The following ACACA variants were observed in gnomAD, a reference collection of about 807,000 sequenced individuals.
The protein encoded by ACACA is acetyl-CoA carboxylase 1.
In ACACA, 103 loss-of-function variants were observed where a neutral mutation model predicts 296.1. That is an observed-to-expected ratio of 0.35 (90% confidence interval 0.30 to 0.41). The LOEUF is 0.41. Ranked by LOEUF, ACACA falls within the 10% of genes least tolerant of loss-of-function variation. The probability of loss-of-function intolerance (pLI) is 1.00; values close to 1 mark genes in which losing one functional copy is unlikely to be tolerated. For missense variants in ACACA, 1,554 were observed against 2,989.7 expected, an observed-to-expected ratio of 0.52 and a Z score of 11.20; for synonymous variants, 953 against 1,038.6, an observed-to-expected ratio of 0.92 and a Z score of 1.58.
intron 2 of ACACA, among the ~76,000 whole-genome samples, chr17:37,336,918 G>A (rs755564872): frequency 7.9e-5 from 12 of 152,134 alleles, no homozygotes; most frequent in Non-Finnish European, 1.8e-4. Flanking sequence ...GATTGTTCTG[G>A]TGTAATTTGT....
rs1412626922 is a variant in ACACA at position 37,284,825 on chromosome 17, A to C, written c.471+13T>G. 6.2e-6 allele frequency: 10 copies of C among 1,614,042 alleles called. No homozygotes were observed. In the African/African-American group the frequency reaches 1.3e-4, roughly 22 times the overall value. ...GTGCTTTTGACAAAATAATTCAGCA[A>C]GTTACAACTTACCTTCTCAATCACT... On this transcript the variant is annotated intron_variant, in intron 4 of 55. Coordinates refer to ENST00000616317, the MANE Select transcript of ACACA (RefSeq NM_198834.3).
intron 1 of ACACA, among the ~76,000 whole-genome samples, chr17:37,395,465 C>A (rs923550655): frequency 6.6e-6 from 1 of 151,270 alleles, no homozygotes; most frequent in Non-Finnish European, 1.5e-5. Context: ...TTCTTCTTGG[C>A]TAATATATTA....
At chr17:37,318,645 A>C (rs1418390979) in intron 3 of ACACA, among the ~76,000 whole-genome samples, 1 of 152,238 alleles carries the variant, frequency 6.6e-6, no homozygotes, top group Non-Finnish European at 1.5e-5. Context: ...CCAAGTTTTA[A>C]GCACTAACAT....
rs2051523987 is a variant in ACACA, at chr17:37,406,627, A to T, written c.-328T>A. Reference sequence around the variant, plus strand: ...AGGGGACCAAACAGCCCCACGCGCCAGGAAGCCTCAGGCAACGGGCCACGC... The same window carrying T: ...AGGGGACCAAACAGCCCCACGCGCCTGGAAGCCTCAGGCAACGGGCCACGC... On this transcript the variant is annotated 5_prime_UTR_variant, in exon 1 of 56. Transcript: ENST00000616317. 4 of 517,540 alleles carry T rather than the reference A, an allele frequency of 7.7e-6. No homozygotes were observed. Among genetic ancestry groups the T allele is most frequent in the Non-Finnish European group, 1.4e-5 (4 of 286,492 alleles). 32.1% of individuals were successfully genotyped at this position (517,540 alleles called of 1,614,324 possible). A position where few individuals can be genotyped will look rare whatever the true frequency, so the allele number is the denominator to read the frequency against.
intron 2 of ACACA, among the ~76,000 whole-genome samples, chr17:37,331,704 T>C (rs2047894386): frequency 6.6e-6 from 1 of 151,362 alleles, no homozygotes; most frequent in Admixed American, 6.6e-5. Flanking sequence ...CTGTGCCCGG[T>C]CTAATTTTTA....
intron 9 of ACACA, among the ~76,000 whole-genome samples, chr17:37,271,640 T>TA (rs575174427): frequency 6.3e-4 from 92 of 144,944 alleles, no homozygotes; most frequent in African/African-American, 1.1e-3. Context: ...GTATTACAAT[T>TA]AAAAAAAAAA....
intron 1 of ACACA, among the ~76,000 whole-genome samples, chr17:37,386,326 T>C (rs2050528105): frequency 6.6e-6 from 1 of 152,158 alleles, no homozygotes; most frequent in Non-Finnish European, 1.5e-5. Flanking sequence ...GTGCTGTGGC[T>C]CATGTCTGTA....
In ACACA at chr17:37,355,701, C is replaced by G. The variant is rs2049108148; in HGVS notation, c.39-15851G>C. On this transcript the variant is annotated intron_variant, in intron 1 of 55. Transcript: ENST00000616317. The stretch of plus-strand genomic sequence containing the variant: ...AGAAACCCCATCTCTACTAAAAATA[C>G]AAAAAAATTAGCCAGGCGTGGTGGC... Among the ~76,000 whole-genome samples, 3 of 149,430 alleles carry G rather than the reference C, an allele frequency of 2.0e-5. No homozygotes were observed. The South Asian group carries it at 6.4e-4, about 32-fold the overall frequency.
chr17:37,359,246 G>A (rs2147585603), intron 1 of ACACA: 5 of 687,180 alleles, frequency 7.3e-6, no homozygotes, highest in Non-Finnish European at 9.0e-6. Flanking sequence ...GTTCACCTCC[G>A]ACCCCGCTCC....
intron 45 of ACACA, chr17:37,143,768 T>C: frequency 2.0e-6 from 2 of 983,550 alleles, no homozygotes; most frequent in South Asian, 1.3e-5. Flanking sequence ...TTTTCGGCCT[T>C]GGCAACTCCC....
chr17:37,106,757 G>A (rs761097635), intron 52 of ACACA, among the ~76,000 whole-genome samples: 2 of 152,078 alleles, frequency 1.3e-5, no homozygotes, highest in Non-Finnish European at 2.9e-5. Context: ...ACGGGGATCT[G>A]GTCATTTGGG....
intron 33 of ACACA, among the ~76,000 whole-genome samples, chr17:37,203,482 G>A (rs1279547720): frequency 1.3e-5 from 2 of 151,674 alleles, no homozygotes; most frequent in Admixed American, 6.6e-5. Context: ...AGTGGCTCAC[G>A]CTTGTAATCC....
chr17:37,282,407 G>A (rs1003287872), intron 5 of ACACA, among the ~76,000 whole-genome samples: 6 of 152,092 alleles, frequency 3.9e-5, no homozygotes, highest in South Asian at 2.1e-4. Flanking sequence ...TACAAATTAC[G>A]CAGCCTCAGG....
chr17:37,196,614 G>A (rs1010257560), intron 35 of ACACA, among the ~76,000 whole-genome samples: 3 of 150,418 alleles, frequency 2.0e-5, no homozygotes, highest in Admixed American at 6.6e-5. Context: ...AAAAAAATAT[G>A]GAAAGCTTAA....
chr17:37,260,276 ATATATATATATATATATATATTTTT>A lies in ACACA; in HGVS notation c.1330-771_1330-747del, dbSNP rs1287136469. On this transcript the variant is annotated intron_variant, in intron 11 of 55. Coordinates refer to ENST00000616317, the MANE Select transcript of ACACA (RefSeq NM_198834.3). ...TATATATATATATATATATATATATATATATATATATATATATATATTTTTTTTTTTTTTTTTTTTGGAGATGGAG... is the reference window on the plus strand; with the variant it reads ...TATATATATATATATATATATATATATTTTTTTTTTTTTTTGGAGATGGAG... 6.7e-4 allele frequency among the ~76,000 whole-genome samples: 20 copies of A among 29,822 alleles called. 3 individuals carry two copies. The highest frequency in any genetic ancestry group is 2.9e-3 in the African/African-American group (17 of 5,770). 19.6% of individuals were successfully genotyped at this position (29,822 alleles called of 152,430 possible).
chr17:37,166,690 C>T (rs1246844820), intron 41 of ACACA, among the ~76,000 whole-genome samples: 3 of 152,314 alleles, frequency 2.0e-5, no homozygotes, highest in Admixed American at 1.3e-4. Context: ...GTTCAAATCT[C>T]AGTTTTATGC....
chr17:37,273,054 G>A (rs2082135115), intron 9 of ACACA, among the ~76,000 whole-genome samples: 1 of 152,130 alleles, frequency 6.6e-6, no homozygotes, highest in East Asian at 1.9e-4. Flanking sequence ...CTTACAAAGA[G>A]CTTCTACTCT....
At chr17:37,248,221 T>A in intron 17 of ACACA, 65 bp from the exon 18 acceptor site, 1 of 1,587,078 alleles carries the variant, frequency 6.3e-7, no homozygotes, top group South Asian at 1.1e-5. Context: ...GAAATTTGAA[T>A]GCTTCAAAAA....
At chr17:37,147,465 T>A (rs2075860872) in intron 45 of ACACA, among the ~76,000 whole-genome samples, 1 of 151,984 alleles carries the variant, frequency 6.6e-6, no homozygotes, top group Non-Finnish European at 1.5e-5. Flanking sequence ...CAAACAGAGA[T>A]GAAGAAAAAC....
Sources: allele counts gnomAD v4.1 joint callset (sites outside exome capture counted in the v4.1 genomes callset), GRCh38; gene constraint gnomAD v4.1.1; transcripts MANE v1.5; gene names NCBI Gene and HGNC (gene_info 2026-07-23, HGNC 2026-07-21).